Variants in PRKCB observed in about 807,000 individuals in gnomAD.
PRKCB encodes protein kinase C beta type.
In PRKCB, 13 loss-of-function variants were observed where a neutral mutation model predicts 81.5. That is an observed-to-expected ratio of 0.16 (90% CI 0.10 to 0.25). PRKCB has a LOEUF of 0.25. Ranked by LOEUF, PRKCB falls within the 10% of genes least tolerant of loss-of-function variation. The pLI, the probability that PRKCB is intolerant of heterozygous loss-of-function variation, is 1.00. For missense variants in PRKCB, 509 were observed against 875.7 expected, an observed-to-expected ratio of 0.58 and a Z score of 5.29; for synonymous variants, 335 against 321.4, an observed-to-expected ratio of 1.04 and a Z score of -0.45.
chr16:24,114,185 A>T (rs1213524555), intron 8 of PRKCB, among the ~76,000 whole-genome samples: 2 of 146,700 alleles, frequency 1.4e-5, no homozygotes, highest in Non-Finnish European at 3.0e-5. Context: ...CTGCATGATC[A>T]GTAATGCTCT....
intron 2 of PRKCB, among the ~76,000 whole-genome samples, chr16:23,885,059 T>C (rs921453531): frequency 7.2e-5 from 11 of 152,204 alleles, no homozygotes; most frequent in Non-Finnish European, 1.6e-4. Flanking sequence ...AAGTAGTTAT[T>C]GTGAAGATTA....
At chr16:24,125,369 T>C (rs1237828475) in intron 9 of PRKCB, among the ~76,000 whole-genome samples, 1 of 152,188 alleles carries the variant, frequency 6.6e-6, no homozygotes, top group Non-Finnish European at 1.5e-5. Context: ...CATCACCCAC[T>C]GTGCTCTGGC....
chr16:24,044,009 A>G (rs1444178750), intron 5 of PRKCB, among the ~76,000 whole-genome samples: 5 of 152,234 alleles, frequency 3.3e-5, no homozygotes, highest in African/African-American at 4.8e-5. Context: ...CAAAGAAAAC[A>G]TCAGCCTAAT....
At chr16:24,008,567 C>T (rs1261809004) in intron 3 of PRKCB, among the ~76,000 whole-genome samples, 2 of 152,164 alleles carry the variant, frequency 1.3e-5, no homozygotes, top group Non-Finnish European at 2.9e-5. Context: ...TAAGCAGAGC[C>T]CCAGAAGCCC....
chr16:24,149,209 C>T (rs891499935), intron 9 of PRKCB, among the ~76,000 whole-genome samples: 1 of 152,196 alleles, frequency 6.6e-6, no homozygotes, highest in African/African-American at 2.4e-5. Flanking sequence ...GGTCTCTTCA[C>T]CACATTCTGT....
At chr16:23,934,858 T>A (rs1289174883) in intron 2 of PRKCB, among the ~76,000 whole-genome samples, 1 of 151,906 alleles carries the variant, frequency 6.6e-6, no homozygotes, top group South Asian at 2.1e-4. Flanking sequence ...GTGGTAGGAG[T>A]GTGATCCACA....
intron 7 of PRKCB, among the ~76,000 whole-genome samples, chr16:24,097,484 C>T (rs1056675057): frequency 6.6e-6 from 1 of 152,060 alleles, no homozygotes; most frequent in African/African-American, 2.4e-5. Context: ...CAAGGAATTA[C>T]GCAAATGACA....
intron 5 of PRKCB, among the ~76,000 whole-genome samples, chr16:24,080,686 G>C (rs1966238218): frequency 6.6e-6 from 1 of 152,060 alleles, no homozygotes; most frequent in South Asian, 2.1e-4. Context: ...CATAAGAGTA[G>C]AGCCCCTGGA....
chr16:23,912,296 A>T (rs752429778), intron 2 of PRKCB, among the ~76,000 whole-genome samples: 1 of 151,976 alleles, frequency 6.6e-6, no homozygotes, highest in African/African-American at 2.4e-5. Context: ...TGAGGGTAGC[A>T]TCTATATTCA....
chr16:23,857,184 G>T (rs1962581834), intron 2 of PRKCB, among the ~76,000 whole-genome samples: 1 of 152,208 alleles, frequency 6.6e-6, no homozygotes. Context: ...TTTTAGAAAT[G>T]GAATGATTGG....
At position 24,194,052 on chromosome 16, in the gene PRKCB, T is replaced by C. The variant is rs188177324; in HGVS notation, c.1863+2822T>C. Among the ~76,000 whole-genome samples the C allele has an allele frequency of 3.3e-5, 5 of 152,190 alleles. No homozygotes were observed. The East Asian group carries it at 9.7e-4, about 29-fold the overall frequency. ...ATAAAATCTCACAATTTTGGCTGGG[T>C]ATAGTGGCTCACACCCGTAATCCCA... is the stretch of plus-strand genomic sequence containing the variant. On this transcript the variant is annotated intron_variant, in intron 16 of 16. Coordinates refer to ENST00000643927, the MANE Select transcript of PRKCB (RefSeq NM_002738.7).
intron 2 of PRKCB, among the ~76,000 whole-genome samples, chr16:23,906,429 A>G (rs576247152): frequency 3.0e-4 from 46 of 152,236 alleles, no homozygotes; most frequent in Non-Finnish European, 6.2e-4. Flanking sequence ...TATGTTTTAT[A>G]TATAATGTAA....
chr16:23,964,453 C>CT, intron 2 of PRKCB, among the ~76,000 whole-genome samples: 1 of 152,320 alleles, frequency 6.6e-6, no homozygotes, highest in East Asian at 1.9e-4. Flanking sequence ...TACTCAGTCT[C>CT]TTATCCTTGA....
At chr16:24,190,135 G>A (rs991743151) in intron 15 of PRKCB, among the ~76,000 whole-genome samples, 7 of 152,254 alleles carry the variant, frequency 4.6e-5, no homozygotes, top group African/African-American at 1.7e-4. Flanking sequence ...AATTTAAACG[G>A]AACACCAAAG....
At position 24,003,520 on chromosome 16, in the gene PRKCB, G is replaced by A. The variant is rs531455445; in HGVS notation, c.288+14930G>A. On this transcript the variant is annotated intron_variant, in intron 3 of 16. Coordinates refer to ENST00000643927, the MANE Select transcript of PRKCB (RefSeq NM_002738.7). Reference sequence around the variant, plus strand: ...CTGCCTCAGCCTCCCAAGTAGCTGGGACTACAGATGTGCACCACCATACTC... The same window carrying A: ...CTGCCTCAGCCTCCCAAGTAGCTGGAACTACAGATGTGCACCACCATACTC... Among the ~76,000 whole-genome samples the A allele has an allele frequency of 6.6e-5, 10 of 152,138 alleles. No homozygotes were observed. The South Asian group carries it at 1.9e-3, about 29-fold the overall frequency.
At chr16:24,133,413 G>A (rs1027856716) in intron 9 of PRKCB, among the ~76,000 whole-genome samples, 3 of 152,124 alleles carry the variant, frequency 2.0e-5, no homozygotes, top group Non-Finnish European at 2.9e-5. Context: ...TCCTAAGAGG[G>A]CCCATGAGAA....
chr16:24,159,035 C>G (rs1967213307), intron 10 of PRKCB, among the ~76,000 whole-genome samples: 1 of 152,180 alleles, frequency 6.6e-6, no homozygotes, highest in Admixed American at 6.5e-5. Flanking sequence ...TCCTGCAGGC[C>G]TGTCTCCAGG....
intron 12 of PRKCB, among the ~76,000 whole-genome samples, chr16:24,179,530 T>C (rs1444020013): frequency 6.6e-6 from 1 of 152,176 alleles, no homozygotes; most frequent in African/African-American, 2.4e-5. Flanking sequence ...ATATAAAGCA[T>C]TGACATTGGA....
chr16:24,009,609 G>T (rs1450528335), intron 3 of PRKCB, among the ~76,000 whole-genome samples: 1 of 147,650 alleles, frequency 6.8e-6, no homozygotes, highest in Non-Finnish European at 1.5e-5. Context: ...TTTTAAAAAA[G>T]ACAAGTGTTA....
Sources: gnomAD v4.1 joint callset for allele counts (sites outside exome capture counted in the v4.1 genomes callset) on GRCh38, gnomAD v4.1.1 for gene constraint, MANE v1.5 for transcripts, NCBI Gene and HGNC (gene_info 2026-07-23, HGNC 2026-07-21) for gene names.